The following NYAP2 variants were observed in gnomAD, a reference collection of about 807,000 sequenced individuals.
NYAP2 encodes the protein neuronal tyrosine-phosphorylated phosphoinositide-3-kinase adaptor 2.
Under a neutral mutation model 50.4 loss-of-function variants are expected in NYAP2, and 23 were observed. The ratio of observed to expected loss-of-function variants is 0.46; its 90% CI spans 0.33 to 0.65. The LOEUF is 0.65. Among genes scored for constraint, NYAP2 ranks in the 30% least tolerant of loss-of-function variants. NYAP2 has a pLI of 0.02. For synonymous variants in NYAP2, 394 were observed against 365.2 expected, an observed-to-expected ratio of 1.08 and a Z score of -0.90; for missense variants, 885 against 861.0, an observed-to-expected ratio of 1.03 and a Z score of -0.35.
At chr2:225,547,071 A>T (rs1691597915) in intron 4 of NYAP2, among the ~76,000 whole-genome samples, 1 of 152,056 alleles carries the variant, frequency 6.6e-6, no homozygotes, top group Non-Finnish European at 1.5e-5. Context: ...AAGCTAGAAA[A>T]AAGTCCTCTT....
chr2:225,551,542 T>C (rs535668108), intron 4 of NYAP2, among the ~76,000 whole-genome samples: 1 of 152,352 alleles, frequency 6.6e-6, no homozygotes, highest in East Asian at 1.9e-4. Context: ...TAATTCATTG[T>C]TGAGCCATAA....
chr2:225,681,506 C>T, the NYAP2 span, among the ~76,000 whole-genome samples: 15 of 152,206 alleles, frequency 9.9e-5, no homozygotes, highest in East Asian at 9.7e-4. Context: ...TGGAGCTTTA[C>T]GGATTCTGGA....
chr2:225,507,021 A>G (rs1363589503), intron 3 of NYAP2, among the ~76,000 whole-genome samples: 1 of 152,232 alleles, frequency 6.6e-6, no homozygotes, highest in Non-Finnish European at 1.5e-5. Context: ...CTCAACTCCA[A>G]AATATCACTA....
intron 4 of NYAP2, among the ~76,000 whole-genome samples, chr2:225,564,698 C>T (rs1018333544): frequency 1.3e-5 from 2 of 148,210 alleles, no homozygotes; most frequent in African/African-American, 5.1e-5. Flanking sequence ...AAAAAAAAAA[C>T]ATGCTCACTA....
At chr2:225,551,258 G>C (rs1273539521) in intron 4 of NYAP2, among the ~76,000 whole-genome samples, 1 of 152,190 alleles carries the variant, frequency 6.6e-6, no homozygotes, top group Non-Finnish European at 1.5e-5. Flanking sequence ...CTTGGCCAAT[G>C]GGAAATTAGC....
Position 225,582,118 on chromosome 2 carries a change from C to T in NYAP2, c.701C>T (p.Pro234Leu), listed in dbSNP as rs1692283528. Reference sequence around the variant, plus strand: ...TCCTCCTTGTCCCAGATGGGCAGCCCCGCGGGAGACCCCGAGGAAGAGGAG... The same window carrying T: ...TCCTCCTTGTCCCAGATGGGCAGCCTCGCGGGAGACCCCGAGGAAGAGGAG... The change falls in exon 5 of 7, where the codon CCC becomes CTC. Residue 234 changes from proline (P) to leucine (L), a missense_variant. Physicochemically the swap from Pro to Leu is moderately conservative, Grantham distance 98. Coordinates refer to ENST00000636099, the Ensembl canonical transcript of NYAP2. The surrounding 1 kb of genome is among the most constrained non-coding windows in gnomAD (Gnocchi z 7.0). The T allele has an allele frequency of 6.2e-7, 1 of 1,613,826 alleles. No homozygotes were observed. The highest frequency in any genetic ancestry group is 1.3e-5 in the African/African-American group (1 of 74,926).
chr2:225,413,556 A>C (rs1695079444), intron 3 of NYAP2, among the ~76,000 whole-genome samples: 1 of 152,176 alleles, frequency 6.6e-6, no homozygotes, highest in African/African-American at 2.4e-5. Context: ...CTCAAACTAC[A>C]ATTTTGGAAT....
intron 3 of NYAP2, among the ~76,000 whole-genome samples, chr2:225,505,732 G>T (rs1157993320): frequency 6.6e-6 from 1 of 152,132 alleles, no homozygotes; most frequent in African/African-American, 2.4e-5. Context: ...CAATACATTT[G>T]TCAGGAAACC....
downstream of NYAP2, among the ~76,000 whole-genome samples, chr2:225,657,404 C>G (rs1476688926): frequency 6.6e-6 from 1 of 151,784 alleles, no homozygotes; most frequent in Non-Finnish European, 1.5e-5. Flanking sequence ...GCCACTGCGC[C>G]CAGCAGGAAA....
At chr2:225,603,017 A>C (rs1692718369) in intron 5 of NYAP2, among the ~76,000 whole-genome samples, 1 of 152,152 alleles carries the variant, frequency 6.6e-6, no homozygotes, top group African/African-American at 2.4e-5. Flanking sequence ...TTTGGGGATT[A>C]CAATGACTAG....
chr2:225,618,112 G>T (rs1267805852), intron 5 of NYAP2, among the ~76,000 whole-genome samples: 1 of 152,126 alleles, frequency 6.6e-6, no homozygotes, highest in Non-Finnish European at 1.5e-5. Flanking sequence ...GTAATACCCT[G>T]TTTGCTTAGG....
intron 4 of NYAP2, among the ~76,000 whole-genome samples, chr2:225,576,278 A>C (rs1183941808): frequency 6.6e-6 from 1 of 152,096 alleles, no homozygotes; most frequent in Non-Finnish European, 1.5e-5. Flanking sequence ...CTCTACTTTC[A>C]CTGTCGCCAG....
chr2:225,517,049 A>T (rs899702003), intron 4 of NYAP2, among the ~76,000 whole-genome samples: 1 of 152,012 alleles, frequency 6.6e-6, no homozygotes, highest in Non-Finnish European at 1.5e-5. Context: ...GTAGAAAAAA[A>T]TAAAACTGTT....
intron 3 of NYAP2, among the ~76,000 whole-genome samples, chr2:225,437,981 TTCTC>T (rs1419024647): frequency 6.6e-6 from 1 of 151,984 alleles, no homozygotes; most frequent in Non-Finnish European, 1.5e-5. Flanking sequence ...CTCTCTCTCT[TTCTC>T]TCTTTCTTAC....
Position 225,472,725 on chromosome 2 carries a change from A to G in NYAP2, c.222-40646A>G, listed in dbSNP as rs145607840. Among the ~76,000 whole-genome samples, 766 of 152,338 alleles carry G rather than the reference A, an allele frequency of 5.0e-3. 4 individuals carry two copies. Among genetic ancestry groups the G allele is most frequent in the African/African-American group, 0.017 (712 of 41,572 alleles). On this transcript the variant is annotated intron_variant, in intron 3 of 6. Transcript: ENST00000636099. ...GTTCAAAACTGTTTCAGTATGAATT[A>G]TCTAGAAAGAAATTGGATGGGATAT...
At chr2:225,635,497 C>A (rs984950988) in intron 6 of NYAP2, among the ~76,000 whole-genome samples, 1 of 151,784 alleles carries the variant, frequency 6.6e-6, no homozygotes, top group Non-Finnish European at 1.5e-5. Context: ...ACGTTTATTC[C>A]GTTCCCATTC....
chr2:225,525,111 G>A (rs927939339), intron 4 of NYAP2, among the ~76,000 whole-genome samples: 1 of 152,100 alleles, frequency 6.6e-6, no homozygotes, highest in Non-Finnish European at 1.5e-5. Flanking sequence ...CAAAGAAAAG[G>A]GAACATTATA....
At chr2:225,588,806 G>A (rs1368928024) in intron 5 of NYAP2, among the ~76,000 whole-genome samples, 1 of 152,094 alleles carries the variant, frequency 6.6e-6, no homozygotes, top group African/African-American at 2.4e-5. Context: ...AACAGGGGAG[G>A]CCTCACACAA....
At chr2:225,647,251 G>A (rs533182378) in intron 6 of NYAP2, among the ~76,000 whole-genome samples, 11 of 152,306 alleles carry the variant, frequency 7.2e-5, no homozygotes, top group African/African-American at 2.6e-4. Context: ...ATGTCAACCA[G>A]GGTTCTGATG....
Sources: allele counts gnomAD v4.1 joint callset (sites outside exome capture counted in the v4.1 genomes callset), GRCh38; gene constraint gnomAD v4.1.1; non-coding constraint Gnocchi (gnomAD v3.1); transcripts MANE v1.5; gene names NCBI Gene and HGNC (gene_info 2026-07-23, HGNC 2026-07-21).